The following ODR4 variants were observed in gnomAD, a reference collection of about 807,000 sequenced individuals.
ODR4 encodes protein odr-4 homolog.
A neutral mutation model predicts 60.2 loss-of-function variants in ODR4; 47 were observed. The ratio of observed to expected loss-of-function variants is 0.78; its 90% CI spans 0.62 to 1.00. The LOEUF is 1.00. Among genes scored for constraint, ODR4 ranks in the 50% least tolerant of loss-of-function variants. The probability of loss-of-function intolerance (pLI) is 0.00; values close to 1 mark genes in which losing one functional copy is unlikely to be tolerated. For missense variants in ODR4, 488 were observed against 530.8 expected (o/e 0.92, Z 0.79); for synonymous variants, 178 against 175.5 (o/e 1.01, Z -0.11).
intron 11 of ODR4, among the ~76,000 whole-genome samples, chr1:186,399,780 TCAGCTATTACTCTAA>T (rs1374704748): frequency 1.3e-5 from 2 of 152,092 alleles, no homozygotes; most frequent in Non-Finnish European, 2.9e-5. Context: ...TATATGCTTC[TCAGCTATTACTCTAA>T]CAGACTTCAT....
chr1:186,427,961 G>A, the ODR4 span, among the ~76,000 whole-genome samples: 474 of 152,296 alleles, frequency 3.1e-3, 2 homozygotes, highest in African/African-American at 0.011. Context: ...GAAAGTAGAC[G>A]TGCTGTCATC....
intron 4 of ODR4, among the ~76,000 whole-genome samples, chr1:186,386,891 C>T (rs1444098969): frequency 6.6e-6 from 1 of 152,108 alleles, no homozygotes; most frequent in Non-Finnish European, 1.5e-5. Flanking sequence ...AATTGCTGCA[C>T]CAGAGAATTG....
rs1660496618 is a variant in ODR4 at position 186,392,222 on chromosome 1, G to A, written c.711+431G>A. Among the ~76,000 whole-genome samples, 3 of 152,220 alleles carry A rather than the reference G, an allele frequency of 2.0e-5. No homozygotes were observed. In the South Asian group the frequency reaches 6.2e-4, roughly 32 times the overall value. On this transcript the variant is annotated intron_variant, in intron 8 of 13. Transcript: ENST00000287859. ...AAGTTCAACCATTGTGGAAGGCAGT[G>A]TGTTGATTCCTCAAAGACCTAAAAA...
chr1:186,389,552 G>A (rs1660379587), intron 5 of ODR4, 36 bp from the exon 6 acceptor site: 2 of 1,461,026 alleles, frequency 1.4e-6, no homozygotes, highest in South Asian at 2.5e-5. Context: ...TACCAATAAT[G>A]CCTTTTTTGG....
intron 4 of ODR4, among the ~76,000 whole-genome samples, chr1:186,387,538 G>A (rs1278015465): frequency 6.6e-6 from 1 of 152,116 alleles, no homozygotes; most frequent in East Asian, 1.9e-4. Flanking sequence ...ACATTACTGA[G>A]TTTCAATTAT....
At chr1:186,417,210 G>A (rs1661608292) in intron 12 of ODR4, among the ~76,000 whole-genome samples, 1 of 152,112 alleles carries the variant, frequency 6.6e-6, no homozygotes, top group Non-Finnish European at 1.5e-5. Flanking sequence ...CACTCTGCCT[G>A]CCTCAGCCTC....
chr1:186,393,900 T>G (rs998749844), intron 8 of ODR4, 47 bp from the exon 9 acceptor site: 2 of 1,007,906 alleles, frequency 2.0e-6, no homozygotes, highest in African/African-American at 3.2e-5. Flanking sequence ...GTCTTTTATG[T>G]TTTACAGGCT....
intron 11 of ODR4, among the ~76,000 whole-genome samples, chr1:186,403,221 T>C (rs529643951): frequency 1.3e-5 from 2 of 152,230 alleles, no homozygotes; most frequent in African/African-American, 4.8e-5. Flanking sequence ...ATAATATAAA[T>C]AAATGTAAAT....
At chr1:186,402,196 T>TTCTTTCTC (rs879676471) in intron 11 of ODR4, among the ~76,000 whole-genome samples, 1 of 137,832 alleles carries the variant, frequency 7.3e-6, no homozygotes, top group Admixed American at 7.2e-5. Context: ...TATTCTTTCT[T>TTCTTTCTC]TCTTTCTTTC....
intron 1 of ODR4, among the ~76,000 whole-genome samples, chr1:186,376,919 C>G (rs562449117): frequency 6.6e-6 from 1 of 152,304 alleles, no homozygotes; most frequent in South Asian, 2.1e-4. Context: ...TTGTGTCAGT[C>G]ACAGTGCTTG....
chr1:186,426,196 G>A (rs1661877196), downstream of ODR4, among the ~76,000 whole-genome samples: 1 of 152,182 alleles, frequency 6.6e-6, no homozygotes, highest in Admixed American at 6.5e-5. Flanking sequence ...GTTTGACCAA[G>A]TGGCACCCTA....
chr1:186,430,665 T>A, the ODR4 span, among the ~76,000 whole-genome samples: 1 of 152,216 alleles, frequency 6.6e-6, no homozygotes, highest in East Asian at 1.9e-4. Flanking sequence ...TAGTTTTTAA[T>A]TATAAGTAGT....
At chr1:186,433,374 A>T in the ODR4 span, among the ~76,000 whole-genome samples, 1 of 151,982 alleles carries the variant, frequency 6.6e-6, no homozygotes, top group Non-Finnish European at 1.5e-5. Context: ...CCTTGAACAC[A>T]GAAGTTATTT....
At chr1:186,430,453 G>T in the ODR4 span, among the ~76,000 whole-genome samples, 1 of 151,982 alleles carries the variant, frequency 6.6e-6, no homozygotes, top group African/African-American at 2.4e-5. Context: ...TAGAGATGAA[G>T]GTAGTTTAAT....
chr1:186,382,036 G>A (rs1389054180), intron 2 of ODR4, among the ~76,000 whole-genome samples: 1 of 152,026 alleles, frequency 6.6e-6, no homozygotes, highest in African/African-American at 2.4e-5. Flanking sequence ...TCACTGTAGT[G>A]AAACTGAGCT....
intron 7 of ODR4, among the ~76,000 whole-genome samples, chr1:186,391,222 A>G (rs1297867227): frequency 6.6e-6 from 1 of 152,048 alleles, no homozygotes; most frequent in African/African-American, 2.4e-5. Context: ...TTGGACTTTT[A>G]GCTTTCTCTT....
rs563403778 is a variant in ODR4, at chr1:186,411,269, C to T, written c.1186+5001C>T. 1.9e-3 allele frequency among the ~76,000 whole-genome samples: 292 copies of T among 152,144 alleles called. 2 individuals carry two copies. Among genetic ancestry groups the T allele is most frequent in the African/African-American group, 6.5e-3 (271 of 41,516 alleles). Reference sequence around the variant, plus strand: ...CTGAAATCTGAAACACTTACGATCCCAAGCATTTTGGATGAGGAATACTCA... The same window carrying T: ...CTGAAATCTGAAACACTTACGATCCTAAGCATTTTGGATGAGGAATACTCA... On this transcript the variant is annotated intron_variant, in intron 12 of 13. Coordinates refer to ENST00000287859, the MANE Select transcript of ODR4 (RefSeq NM_017847.6).
the ODR4 span, among the ~76,000 whole-genome samples, chr1:186,430,791 A>G: frequency 1.3e-5 from 2 of 151,920 alleles, no homozygotes; most frequent in South Asian, 4.1e-4. Flanking sequence ...CTAACATTAC[A>G]CTAACTCTCA....
chr1:186,432,697 T>C, the ODR4 span, among the ~76,000 whole-genome samples: 1 of 152,154 alleles, frequency 6.6e-6, no homozygotes, highest in Non-Finnish European at 1.5e-5. Flanking sequence ...CTCAGCTCTA[T>C]CTAAGCATGT....
Sources: allele counts gnomAD v4.1 joint callset (sites outside exome capture counted in the v4.1 genomes callset), GRCh38; gene constraint gnomAD v4.1.1; transcripts MANE v1.5; gene names NCBI Gene and HGNC (gene_info 2026-07-23, HGNC 2026-07-21).